Variants in UTRN observed in about 807,000 individuals in gnomAD.
The protein encoded by UTRN is utrophin.
A neutral mutation model predicts 463.9 loss-of-function variants in UTRN; 283 were observed. The ratio of observed to expected loss-of-function variants is 0.61; its 90% CI spans 0.55 to 0.67. The LOEUF is 0.67. Among genes scored for constraint, UTRN ranks in the 30% least tolerant of loss-of-function variants. The pLI is 0.00. For synonymous variants in UTRN, 1,442 were observed against 1,431.5 expected, an observed-to-expected ratio of 1.01 and a Z score of -0.17; for missense variants, 3,922 against 4,084.3, an observed-to-expected ratio of 0.96 and a Z score of 1.08.
chr6:144,316,403 A>G (rs915111652), intron 2 of UTRN, among the ~76,000 whole-genome samples: 5 of 152,224 alleles, frequency 3.3e-5, no homozygotes, highest in African/African-American at 1.2e-4. Context: ...TAAATATATT[A>G]GTAGTATAGC....
chr6:144,690,042 T>G (rs1783163121), intron 52 of UTRN, among the ~76,000 whole-genome samples: 1 of 141,938 alleles, frequency 7.0e-6, no homozygotes, highest in Non-Finnish European at 1.5e-5. Flanking sequence ...TCCCAAGCAA[T>G]GGGAGGGGCC....
intron 47 of UTRN, among the ~76,000 whole-genome samples, chr6:144,550,744 G>C (rs1585228278): frequency 6.6e-6 from 1 of 152,176 alleles, no homozygotes; most frequent in East Asian, 1.9e-4. Flanking sequence ...GAGAGGTAAA[G>C]CTCCTTGCCT....
chr6:144,321,859 G>A (rs540147278), intron 2 of UTRN, among the ~76,000 whole-genome samples: 1 of 151,944 alleles, frequency 6.6e-6, no homozygotes, highest in East Asian at 1.9e-4. Flanking sequence ...TCCGCCTCGG[G>A]TTCAAGCGAG....
rs1037259514 is a variant in UTRN, at chr6:144,686,739, G to A, written c.7652+8161G>A. Among the ~76,000 whole-genome samples, 10 of 151,880 alleles carry A rather than the reference G, an allele frequency of 6.6e-5. No individual in the cohort carries two copies. In the East Asian group the frequency reaches 9.7e-4, roughly 15 times the overall value. ...TACTGTTCACTTTTGGTTGCCATTC[G>A]CATGTCATATTTTCTTCCACTTTAC... On this transcript the variant is annotated intron_variant, in intron 52 of 74. Coordinates refer to ENST00000367545, the MANE Select transcript of UTRN (RefSeq NM_007124.3).
At chr6:144,540,171 A>G (rs905822048) in intron 45 of UTRN, among the ~76,000 whole-genome samples, 2 of 152,186 alleles carry the variant, frequency 1.3e-5, no homozygotes, top group African/African-American at 2.4e-5. Context: ...AGTGAAATGT[A>G]ATGGCATGTG....
intron 9 of UTRN, among the ~76,000 whole-genome samples, chr6:144,433,307 G>GC (rs570934172): frequency 1.3e-5 from 2 of 148,910 alleles, no homozygotes; most frequent in Admixed American, 6.6e-5. Context: ...GGCTGGCCGG[G>GC]TGGGGGGCTG....
intron 51 of UTRN, among the ~76,000 whole-genome samples, chr6:144,668,822 A>G (rs1051320362): frequency 6.6e-6 from 1 of 152,346 alleles, no homozygotes; most frequent in East Asian, 1.9e-4. Context: ...GAGGACACAA[A>G]TATTCAGACT....
chr6:144,771,312 A>T (rs1277752282), intron 58 of UTRN, among the ~76,000 whole-genome samples: 1 of 152,156 alleles, frequency 6.6e-6, no homozygotes, highest in Non-Finnish European at 1.5e-5. Context: ...TTGTATAGAG[A>T]TGAGGTCTCG....
At chr6:144,748,699 C>A (rs1261726923) in intron 55 of UTRN, among the ~76,000 whole-genome samples, 185 bp downstream of exon 55, 1 of 152,180 alleles carries the variant, frequency 6.6e-6, no homozygotes, top group African/African-American at 2.4e-5. Flanking sequence ...TTCATTGGAA[C>A]CCCCTGCCCC....
Position 144,800,213 on chromosome 6 carries a change from T to G in UTRN, c.9245+2223T>G, listed in dbSNP as rs554540996. Among the ~76,000 whole-genome samples the G allele has an allele frequency of 1.4e-4, 21 of 152,334 alleles. 1 individual carries two copies. The South Asian group carries it at 4.4e-3, about 32-fold the overall frequency. On this transcript the variant is annotated intron_variant, in intron 64 of 74. Transcript: ENST00000367545. ...AAACATTAAATATTTGAATGACCTT[T>G]AAAGTTTCATTTCTTAAATTAAAAA... is the stretch of plus-strand genomic sequence containing the variant.
intron 2 of UTRN, among the ~76,000 whole-genome samples, chr6:144,369,203 T>C (rs565601672): frequency 6.6e-6 from 1 of 152,404 alleles, no homozygotes; most frequent in East Asian, 1.9e-4. Flanking sequence ...TGTTTATTCA[T>C]TTCTATGGCT....
At chr6:144,433,236 G>A (rs1361374462) in intron 9 of UTRN, among the ~76,000 whole-genome samples, 1 of 151,336 alleles carries the variant, frequency 6.6e-6, no homozygotes, top group African/African-American at 2.4e-5. Flanking sequence ...CGGGCAGAGG[G>A]GCTCCTCACT....
intron 68 of UTRN, 80 bp from the exon 69 acceptor site, chr6:144,828,710 A>T (rs1487136972): frequency 8.0e-6 from 11 of 1,369,762 alleles, no homozygotes; most frequent in Non-Finnish European, 1.0e-5. Flanking sequence ...TTGACAATTT[A>T]AAAATGATTA....
intron 72 of UTRN, among the ~76,000 whole-genome samples, chr6:144,840,060 C>T (rs1781429831): frequency 6.6e-6 from 1 of 151,956 alleles, no homozygotes; most frequent in Non-Finnish European, 1.5e-5. Flanking sequence ...TGGTGGAGCA[C>T]TCCTGTAGTC....
intron 51 of UTRN, among the ~76,000 whole-genome samples, chr6:144,621,976 A>C (rs1775427554): frequency 6.7e-6 from 1 of 148,596 alleles, no homozygotes; most frequent in Admixed American, 6.7e-5. Context: ...TAATTAGTTT[A>C]TTTAAAGCTC....
intron 3 of UTRN, among the ~76,000 whole-genome samples, chr6:144,407,765 A>T (rs1463047239): frequency 6.6e-6 from 1 of 152,200 alleles, no homozygotes; most frequent in Non-Finnish European, 1.5e-5. Context: ...CACTCAAAAT[A>T]TGTATTCTTT....
In UTRN at chr6:144,827,675, C is replaced by T. The variant is rs770391645; in HGVS notation, c.9598C>T (p.Arg3200Ter). ...THSRIEQYAT[R>*]LAQMERTNGS... ...TTCAAGAATAGAACAATATGCCACACGGTAAGAAACTTTGATCAGAGCCCT... is the reference window on the plus strand; with the variant it reads ...TTCAAGAATAGAACAATATGCCACATGGTAAGAAACTTTGATCAGAGCCCT... Residue 3200 changes from arginine (R) to a stop codon, truncating the protein, a stop_gained and splice_region_variant, in exon 68 of 75, where the codon CGA becomes TGA. Transcript: ENST00000367545. LOFTEE classifies it high-confidence loss of function. 8.1e-6 allele frequency: 13 copies of T among 1,613,362 alleles called. No individual in the cohort carries two copies. Among genetic ancestry groups the T allele is most frequent in the Non-Finnish European group, 3.4e-6 (4 of 1,179,630 alleles).
intron 1 of UTRN, among the ~76,000 whole-genome samples, chr6:144,288,850 A>G (rs1382645277): frequency 6.9e-6 from 1 of 145,516 alleles, no homozygotes; most frequent in Non-Finnish European, 1.5e-5. Flanking sequence ...TGCAACCTTT[A>G]CCTCCTGAGT....
rs373653192 is a variant in UTRN, at chr6:144,722,346, T to A, written c.7810-8011T>A. Among the ~76,000 whole-genome samples, 116 of 152,038 alleles carry A rather than the reference T, an allele frequency of 7.6e-4. No individual in the cohort carries two copies. The South Asian group carries it at 8.5e-3, about 11-fold the overall frequency. Reference sequence around the variant, plus strand: ...TTTTTTTTTTTAAATATCGCTGTCTTTCAGATGCCTTCCCTGACCACTTAC... The same window carrying A: ...TTTTTTTTTTTAAATATCGCTGTCTATCAGATGCCTTCCCTGACCACTTAC... On this transcript the variant is annotated intron_variant, in intron 53 of 74. Transcript: ENST00000367545.
Sources: allele counts gnomAD v4.1 joint callset (sites outside exome capture counted in the v4.1 genomes callset), GRCh38; gene constraint gnomAD v4.1.1; transcripts MANE v1.5; gene names NCBI Gene and HGNC (gene_info 2026-07-23, HGNC 2026-07-21).